PCBP3: variants seen among roughly 807,000 people sequenced by gnomAD.
PCBP3 encodes poly(rC)-binding protein 3.
A neutral mutation model predicts 52.7 loss-of-function variants in PCBP3; 25 were observed. The ratio of observed to expected loss-of-function variants is 0.47; its 90% confidence interval spans 0.35 to 0.66. The LOEUF is 0.66. PCBP3 is among the 30% of genes least tolerant of loss of function. PCBP3 has a pLI of 0.01. For synonymous variants in PCBP3, 162 were observed against 183.0 expected, an observed-to-expected ratio of 0.89 and a Z score of 0.93; for missense variants, 391 against 490.3, an observed-to-expected ratio of 0.80 and a Z score of 1.91.
At chr21:45,764,735 G>A (rs1405788360) in intron 4 of PCBP3, among the ~76,000 whole-genome samples, 1 of 152,216 alleles carries the variant, frequency 6.6e-6, no homozygotes, top group Non-Finnish European at 1.5e-5. Context: ...ACAAATCACA[G>A]AATGTAAAAA....
intron 2 of PCBP3, among the ~76,000 whole-genome samples, chr21:45,689,141 A>C (rs1167635541): frequency 1.3e-5 from 2 of 152,128 alleles, no homozygotes; most frequent in Non-Finnish European, 2.9e-5. Context: ...AAAACACCAG[A>C]AAATTTAACT....
chr21:45,890,136 G>A (rs1007471632), intron 5 of PCBP3, among the ~76,000 whole-genome samples: 12 of 152,230 alleles, frequency 7.9e-5, no homozygotes, highest in Non-Finnish European at 1.6e-4. Flanking sequence ...ACTCTGCTGC[G>A]GGAGAGAATG....
rs2084914444 is a variant in PCBP3, at chr21:45,724,847, CCT to C, written c.-199-10540_-199-10539del. Among the ~76,000 whole-genome samples, 1 of 152,062 alleles carries C rather than the reference CCT, an allele frequency of 6.6e-6. No individual in the cohort carries two copies. The highest frequency in any genetic ancestry group is 1.9e-4 in the East Asian group (1 of 5,172). Reference sequence around the variant, plus strand: ...AGTGGGTGGCAGGAGGACAGGACGGCCTCTCTGTGAGGGAGGCACTGACTCTC... The same window carrying C: ...AGTGGGTGGCAGGAGGACAGGACGGCCTCTGTGAGGGAGGCACTGACTCTC... On this transcript the variant is annotated intron_variant, in intron 2 of 17. Transcript: ENST00000681687. The surrounding 1 kb of genome is among the most constrained non-coding windows in gnomAD (Gnocchi z 5.3).
At chr21:45,722,531 A>G (rs929119488) in intron 2 of PCBP3, among the ~76,000 whole-genome samples, 1 of 152,226 alleles carries the variant, frequency 6.6e-6, no homozygotes, top group Non-Finnish European at 1.5e-5. Context: ...GCATAAAAGC[A>G]ATCCATACAA....
Position 45,829,336 on chromosome 21 carries a change from G to T in PCBP3, c.-125-20625G>T, listed in dbSNP as rs116301711. 2,727 of 152,346 alleles carry T rather than the reference G, an allele frequency of 0.018. 78 individuals are homozygous for T. Among genetic ancestry groups the T allele is most frequent in the African/African-American group, 0.063 (2,602 of 41,544 alleles). 9.4% of individuals were successfully genotyped at this position (152,346 alleles called of 1,614,324 possible). A position where few individuals can be genotyped will look rare whatever the true frequency, so the allele number is the denominator to read the frequency against. ...TCCGTGGCTTCTGCAATTGTGAGCT[G>T]CTGTCCTCATCGAACACCCTCAGCA... On this transcript the variant is annotated intron_variant, in intron 4 of 17. Transcript: ENST00000681687. The surrounding 1 kb of genome is among the most constrained non-coding windows in gnomAD (Gnocchi z 5.2).
intron 4 of PCBP3, among the ~76,000 whole-genome samples, chr21:45,770,081 C>T (rs186908697): frequency 9.8e-5 from 15 of 152,298 alleles, no homozygotes; most frequent in East Asian, 7.7e-4. Context: ...GTGGCGGCCT[C>T]GTGTTGGACA....
At chr21:45,831,408 C>CAAAAAAAAAAAAAA (rs59400163) in intron 4 of PCBP3, among the ~76,000 whole-genome samples, 1 of 86,596 alleles carries the variant, frequency 1.2e-5, no homozygotes, top group African/African-American at 4.2e-5. Context: ...GATGCTGTCT[C>CAAAAAAAAAAAAAA]AAAAAAAAAA....
chr21:45,852,563 A>G lies in PCBP3; in HGVS notation c.10+2468A>G, dbSNP rs56688306. On this transcript the variant is annotated intron_variant, in intron 5 of 17. Transcript: ENST00000681687. ...CCTGCAGCCACCCTGACTTTTGTTC[A>G]GAAGGAACACAGCCCTGCAGCCATG... Among the ~76,000 whole-genome samples the G allele has an allele frequency of 9.2e-4, 110 of 119,864 alleles. 1 individual carries two copies. Among genetic ancestry groups the G allele is most frequent in the Admixed American group, 3.2e-3 (39 of 12,054 alleles). The allele number at this position is 119,864 out of a possible 152,430, so 78.6% of individuals were successfully genotyped here. A position where few individuals can be genotyped will look rare whatever the true frequency, so the allele number is the denominator to read the frequency against.
intron 2 of PCBP3, among the ~76,000 whole-genome samples, chr21:45,670,735 A>G (rs1603224609): frequency 6.6e-6 from 1 of 152,166 alleles, no homozygotes; most frequent in East Asian, 1.9e-4. Context: ...TTTACTCTGT[A>G]TCTCTTCCCC....
chr21:45,890,053 T>C (rs559975297), intron 5 of PCBP3, among the ~76,000 whole-genome samples: 1 of 152,366 alleles, frequency 6.6e-6, no homozygotes, highest in South Asian at 2.1e-4. Context: ...TGCCAGGGGC[T>C]GGGACTGCGT....
At chr21:45,716,850 C>T (rs184234630) in intron 2 of PCBP3, among the ~76,000 whole-genome samples, 2 of 152,206 alleles carry the variant, frequency 1.3e-5, no homozygotes, top group East Asian at 3.9e-4. Flanking sequence ...TTCTGAGTCC[C>T]TTGAGTTTTC....
intron 2 of PCBP3, among the ~76,000 whole-genome samples, chr21:45,680,363 C>T (rs532372337): frequency 1.3e-5 from 2 of 152,178 alleles, no homozygotes; most frequent in East Asian, 1.9e-4. Flanking sequence ...TAGTATGTCT[C>T]CATTTATTTA....
Position 45,741,067 on chromosome 21 carries a change from C to G in PCBP3, c.-162+5638C>G, listed in dbSNP as rs1215558632. On this transcript the variant is annotated intron_variant, in intron 3 of 17. Coordinates refer to ENST00000681687, the MANE Select transcript of PCBP3 (RefSeq NM_001384156.1). The surrounding 1 kb of genome is among the most constrained non-coding windows in gnomAD (Gnocchi z 4.5). ...AGGGCACGGGATGGCTTCACTCCAG[C>G]TCCTCCTTATTTGGCCCCAGAGCAC... is the stretch of plus-strand genomic sequence containing the variant. Among the ~76,000 whole-genome samples, 1 of 152,178 alleles carries G rather than the reference C, an allele frequency of 6.6e-6. No individual in the cohort carries two copies. The highest frequency in any genetic ancestry group is 2.4e-5 in the African/African-American group (1 of 41,444).
At chr21:45,730,655 T>C (rs2085387074) in intron 2 of PCBP3, among the ~76,000 whole-genome samples, 1 of 152,182 alleles carries the variant, frequency 6.6e-6, no homozygotes, top group South Asian at 2.1e-4. Context: ...TCCATTATAA[T>C]TGTGGATTTA....
At chr21:45,761,682 G>C (rs11910469) in intron 4 of PCBP3, 2,064 of 152,538 alleles carry the variant, frequency 0.014, 64 homozygotes, top group African/African-American at 0.046. Flanking sequence ...ATGCCTCTTG[G>C]CCTTTCTGTG....
In PCBP3 at chr21:45,904,311, C is replaced by T. The variant is rs529356781; in HGVS notation, c.339+3198C>T. On this transcript the variant is annotated intron_variant, in intron 9 of 17. Coordinates refer to ENST00000681687, the MANE Select transcript of PCBP3 (RefSeq NM_001384156.1). This position sits in a 1 kb window ranked among gnomAD's most constrained non-coding sequence, Gnocchi z 4.8. ...TATGGCCAAGGAAGCTCGAGGGATT[C>T]GGACAGTTTTCATCTTTTGGTCCTT... Among the ~76,000 whole-genome samples, 26 of 152,140 alleles carry T rather than the reference C, an allele frequency of 1.7e-4. No individual in the cohort carries two copies. Among genetic ancestry groups the T allele is most frequent in the East Asian group, 1.5e-3 (8 of 5,180 alleles).
intron 1 of PCBP3, among the ~76,000 whole-genome samples, chr21:45,659,413 A>T (rs2080239215): frequency 1.4e-5 from 2 of 147,382 alleles, no homozygotes; most frequent in Admixed American, 6.8e-5. Flanking sequence ...TGCCATCACA[A>T]CTCACTGCAG....
intron 1 of PCBP3, among the ~76,000 whole-genome samples, chr21:45,646,087 C>CTCTCTCTCTCTCTCTCTCTCTT (rs2079256733): frequency 1.1e-4 from 9 of 84,700 alleles, no homozygotes; most frequent in African/African-American, 2.8e-4. Flanking sequence ...CTCTCTTTCT[C>CTCTCTCTCTCTCTCTCTCTCTT]TCTCTCTCTC....
intron 2 of PCBP3, among the ~76,000 whole-genome samples, chr21:45,686,822 A>G (rs1344920274): frequency 1.3e-5 from 2 of 152,174 alleles, no homozygotes; most frequent in Non-Finnish European, 2.9e-5. Flanking sequence ...GCTGTATAAC[A>G]TAGAAATAGA....
Sources: gnomAD v4.1 joint callset for allele counts (sites outside exome capture counted in the v4.1 genomes callset) on GRCh38, gnomAD v4.1.1 for gene constraint, Gnocchi (gnomAD v3.1) non-coding constraint, MANE v1.5 for transcripts, NCBI Gene and HGNC (gene_info 2026-07-23, HGNC 2026-07-21) for gene names.